Variants in SULF2 observed in about 807,000 individuals in gnomAD.
The protein encoded by SULF2 is extracellular sulfatase Sulf-2.
In SULF2, 52 loss-of-function variants were observed where a neutral mutation model predicts 107.7. That is an observed-to-expected ratio of 0.48 (90% CI 0.39 to 0.61). SULF2 has a LOEUF of 0.61. SULF2 is among the 20% of genes least tolerant of loss of function. The pLI is 0.00. For missense variants in SULF2, 993 were observed against 1,177.3 expected (o/e 0.84, Z 2.29); for synonymous variants, 460 against 464.3 (o/e 0.99, Z 0.12).
chr20:47,727,668 C>T (rs942565615), intron 3 of SULF2, among the ~76,000 whole-genome samples: 1 of 152,134 alleles, frequency 6.6e-6, no homozygotes, highest in Non-Finnish European at 1.5e-5. Flanking sequence ...ACCTCTCCTC[C>T]TGGGTTTGTG....
At chr20:47,761,798 A>G (rs1214144759) in intron 1 of SULF2, among the ~76,000 whole-genome samples, 1 of 152,190 alleles carries the variant, frequency 6.6e-6, no homozygotes, top group Non-Finnish European at 1.5e-5. Context: ...TATGTTGTGT[A>G]TCTGATATGG....
At chr20:47,705,172 C>G (rs1402617577) in intron 3 of SULF2, among the ~76,000 whole-genome samples, 1 of 152,192 alleles carries the variant, frequency 6.6e-6, no homozygotes, top group Non-Finnish European at 1.5e-5. Context: ...GAGGGAGGAG[C>G]TGATGAAACA....
intron 3 of SULF2, among the ~76,000 whole-genome samples, chr20:47,704,862 A>G (rs2088680208): frequency 6.6e-6 from 1 of 152,166 alleles, no homozygotes; most frequent in Non-Finnish European, 1.5e-5. Context: ...GTGAACCCCC[A>G]GAGGAAGGAG....
At chr20:47,749,802 T>C (rs1373068371) in intron 2 of SULF2, among the ~76,000 whole-genome samples, 3 of 152,174 alleles carry the variant, frequency 2.0e-5, no homozygotes, top group Non-Finnish European at 4.4e-5. Context: ...GGGTCTCAGA[T>C]TCAGTAAAGC....
intron 3 of SULF2, among the ~76,000 whole-genome samples, chr20:47,727,097 G>A (rs1050794243): frequency 2.2e-4 from 33 of 151,934 alleles, no homozygotes; most frequent in African/African-American, 7.3e-4. Context: ...GAAACCAGCC[G>A]TCACGAGATG....
At chr20:47,705,501 T>A (rs2088703235) in intron 3 of SULF2, among the ~76,000 whole-genome samples, 1 of 152,154 alleles carries the variant, frequency 6.6e-6, no homozygotes, top group South Asian at 2.1e-4. Context: ...CCGGGCAAGC[T>A]AAAGGCCTGC....
chr20:47,725,650 C>T (rs1195756805), intron 3 of SULF2, among the ~76,000 whole-genome samples: 8 of 152,290 alleles, frequency 5.3e-5, no homozygotes, highest in South Asian at 2.1e-4. Flanking sequence ...TGGGCCTGCC[C>T]GGTGTTTTCA....
intron 14 of SULF2, among the ~76,000 whole-genome samples, 199 bp from the exon 15 acceptor site, chr20:47,664,388 T>A (rs941917879): frequency 2.0e-5 from 3 of 152,232 alleles, no homozygotes; most frequent in African/African-American, 2.4e-5. Flanking sequence ...TCTCCAAGCA[T>A]GAGCCAGGAC....
intron 1 of SULF2, among the ~76,000 whole-genome samples, chr20:47,774,775 C>CCTCTGCCAAGATGCCCCCATCCT (rs1323395891): frequency 6.6e-6 from 1 of 152,176 alleles, no homozygotes; most frequent in East Asian, 1.9e-4. Flanking sequence ...GACTCCCTCC[C>CCTCTGCCAAGATGCCCCCATCCT]CTCTGCCAAG....
At chr20:47,712,852 G>A (rs60852491) in intron 3 of SULF2, among the ~76,000 whole-genome samples, 18,129 of 152,084 alleles carry the variant, frequency 0.12, 1,209 homozygotes, top group African/African-American at 0.18. Context: ...TGGGCAACAC[G>A]GAGAAGCCCT....
intron 3 of SULF2, among the ~76,000 whole-genome samples, chr20:47,730,283 C>T (rs1053505912): frequency 1.3e-5 from 2 of 152,232 alleles, no homozygotes; most frequent in Non-Finnish European, 2.9e-5. Flanking sequence ...GCAGAGGGCC[C>T]GCCACCATCT....
At chr20:47,742,998 C>T (rs1415718681) in intron 2 of SULF2, among the ~76,000 whole-genome samples, 1 of 137,646 alleles carries the variant, frequency 7.3e-6, no homozygotes, top group Non-Finnish European at 1.5e-5. Flanking sequence ...TGTTGGAGGC[C>T]TGCTTCAGCT....
chr20:47,676,574 TCTC>T lies in SULF2; in HGVS notation c.1297_1299del (p.Glu433del), dbSNP rs2087648871. ...ACACGCTGGTACTTGGGCAGAAAGT[TCTC>T]CTCCTGGGCGTCCACCTTGTCATTG... On this transcript the variant is annotated inframe_deletion, in exon 10 of 21. Transcript: ENST00000688720. 2.5e-6 allele frequency: 4 copies of T among 1,574,720 alleles called. No homozygotes were observed. The highest frequency in any genetic ancestry group is 2.3e-5 in the South Asian group (2 of 86,392).
intron 1 of SULF2, among the ~76,000 whole-genome samples, chr20:47,767,979 C>T (rs1804553502): frequency 6.6e-6 from 1 of 152,094 alleles, no homozygotes; most frequent in Non-Finnish European, 1.5e-5. Context: ...AATTAGGCTC[C>T]AGTTCTGGAG....
At chr20:47,783,928 C>T (rs1236749244) in intron 1 of SULF2, among the ~76,000 whole-genome samples, 2 of 152,204 alleles carry the variant, frequency 1.3e-5, no homozygotes, top group African/African-American at 4.8e-5. Context: ...AGGGAAGGGG[C>T]CCCCTTCGTT....
chr20:47,777,483 T>C (rs111452212), intron 1 of SULF2, among the ~76,000 whole-genome samples: 241 of 152,270 alleles, frequency 1.6e-3, no homozygotes, highest in Admixed American at 4.4e-3. Context: ...AAGAAGAGGC[T>C]TGAAAGATCC....
intron 1 of SULF2, among the ~76,000 whole-genome samples, chr20:47,769,955 T>G (rs1003608784): frequency 1.3e-5 from 2 of 148,358 alleles, no homozygotes; most frequent in African/African-American, 2.5e-5. Context: ...GGTAGGAAGA[T>G]GCCTGAGGGA....
chr20:47,716,606 G>A (rs540032845), intron 3 of SULF2, among the ~76,000 whole-genome samples: 2 of 152,278 alleles, frequency 1.3e-5, no homozygotes, highest in East Asian at 1.9e-4. Flanking sequence ...TCAATGTCTT[G>A]TTTACTGGAA....
intron 3 of SULF2, among the ~76,000 whole-genome samples, chr20:47,713,751 GAA>G (rs762177872): frequency 2.6e-5 from 1 of 38,392 alleles, no homozygotes. Context: ...TTCTGTCTCT[GAA>G]AAAAAAAAAA....
Sources: gnomAD v4.1 joint callset for allele counts (sites outside exome capture counted in the v4.1 genomes callset) on GRCh38, gnomAD v4.1.1 for gene constraint, MANE v1.5 for transcripts, NCBI Gene and HGNC (gene_info 2026-07-23, HGNC 2026-07-21) for gene names.